Variants in DOCK9 observed in about 807,000 individuals in gnomAD.
DOCK9 encodes dedicator of cytokinesis protein 9.
DOCK9 carries 89 observed loss-of-function variants against 263.3 expected under a neutral mutation model. That is an observed-to-expected ratio of 0.34 (90% CI 0.28 to 0.40). The LOEUF is 0.40. Among genes scored for constraint, DOCK9 ranks in the 10% least tolerant of loss-of-function variants. The probability of loss-of-function intolerance (pLI) is 1.00; values close to 1 mark genes in which losing one functional copy is unlikely to be tolerated. For synonymous variants in DOCK9, 976 were observed against 973.1 expected (o/e 1.00, Z -0.06); for missense variants, 2,140 against 2,603.4 (o/e 0.82, Z 3.87).
chr13:99,062,904 G>A (rs1334381184), intron 1 of DOCK9, among the ~76,000 whole-genome samples: 6 of 152,182 alleles, frequency 3.9e-5, no homozygotes, highest in African/African-American at 1.2e-4. Context: ...TTATGGAGCT[G>A]CCAGCCCAGG....
intron 7 of DOCK9, among the ~76,000 whole-genome samples, chr13:98,920,475 T>A (rs112452642): frequency 2.6e-5 from 4 of 152,238 alleles, no homozygotes; most frequent in African/African-American, 4.8e-5. Context: ...TTAAATAACA[T>A]CTCCAAGGTT....
chr13:98,889,704 A>G (rs554374944), intron 15 of DOCK9, among the ~76,000 whole-genome samples: 1 of 152,162 alleles, frequency 6.6e-6, no homozygotes, highest in South Asian at 2.1e-4. Flanking sequence ...ATGTTCCTCT[A>G]TCTTTCAACC....
intron 1 of DOCK9, among the ~76,000 whole-genome samples, chr13:99,012,133 A>T (rs765325848): frequency 9.2e-5 from 14 of 152,182 alleles, no homozygotes; most frequent in Non-Finnish European, 1.8e-4. Context: ...AGCACTCTTA[A>T]CCACCATACT....
rs147455123 is a variant in DOCK9 at position 98,992,028 on chromosome 13, C to T, written c.130-36477G>A. The stretch of plus-strand genomic sequence containing the variant: ...CCTACATCATCACATGGAAGACCAC[C>T]GCATGTACACCTGGTGAGATCGTGT... On this transcript the variant is annotated intron_variant, in intron 1 of 32. Coordinates refer to the DOCK9 transcript ENST00000427887. Among the ~76,000 whole-genome samples the T allele has an allele frequency of 4.0e-4, 61 of 151,902 alleles. No homozygotes were observed. The East Asian group carries it at 8.9e-3, about 22-fold the overall frequency.
chr13:98,911,591 C>A (rs150926965), intron 9 of DOCK9, among the ~76,000 whole-genome samples: 1 of 152,104 alleles, frequency 6.6e-6, no homozygotes, highest in East Asian at 1.9e-4. Context: ...TTATGTAATT[C>A]ACTTTAAAAA....
intron 1 of DOCK9, among the ~76,000 whole-genome samples, chr13:99,080,894 A>T (rs1467105487): frequency 1.3e-5 from 2 of 152,242 alleles, no homozygotes; most frequent in East Asian, 3.8e-4. Context: ...CTTAGCACCC[A>T]GCAGGGAGCC....
chr13:98,914,057 C>T (rs1489075297), intron 9 of DOCK9, among the ~76,000 whole-genome samples: 1 of 152,110 alleles, frequency 6.6e-6, no homozygotes, highest in Non-Finnish European at 1.5e-5. Flanking sequence ...GTTATTTCTT[C>T]AGTACCTGTG....
At chr13:98,932,734 T>C (rs1316668147) in intron 2 of DOCK9, among the ~76,000 whole-genome samples, 2 of 152,214 alleles carry the variant, frequency 1.3e-5, no homozygotes, top group African/African-American at 4.8e-5. Context: ...GTGTCTATCT[T>C]TGAAAGTAAT....
At chr13:98,885,222 T>G (rs2045495610) in intron 20 of DOCK9, 130 bp from the exon 21 acceptor site, 7 of 1,262,108 alleles carry the variant, frequency 5.5e-6, no homozygotes, top group Middle Eastern at 2.5e-4. Context: ...AAATTTAAAA[T>G]GCCCTAAATG....
intron 13 of DOCK9, 37 bp downstream of exon 13, chr13:98,901,741 G>T: frequency 1.2e-6 from 2 of 1,601,856 alleles, no homozygotes; most frequent in Non-Finnish European, 1.7e-6. Context: ...TTTTCAGATT[G>T]CTTTTTACCA....
At chr13:98,889,395 A>G (rs2046285214) in intron 15 of DOCK9, among the ~76,000 whole-genome samples, 1 of 152,232 alleles carries the variant, frequency 6.6e-6, no homozygotes, top group Non-Finnish European at 1.5e-5. Flanking sequence ...TATTGAAATA[A>G]AAAATAAAAT....
At chr13:99,042,264 G>GA (rs1888529279) in intron 1 of DOCK9, among the ~76,000 whole-genome samples, 1 of 152,230 alleles carries the variant, frequency 6.6e-6, no homozygotes, top group Admixed American at 6.5e-5. Context: ...ACTGCCTTGA[G>GA]ATCAGGCAGC....
chr13:98,829,364 C>G lies in DOCK9; in HGVS notation c.4908G>C (p.Arg1636Ser). The part of the protein sequence containing the change: ...AKSYASTPEL[R>S]KTWLDSMARI... ...TGGCCATGCTGTCGAGCCACGTCTTCCTGAGCTCGGGCGTGCTGGCATAGG... is the reference window on the plus strand; with the variant it reads ...TGGCCATGCTGTCGAGCCACGTCTTGCTGAGCTCGGGCGTGCTGGCATAGG... The change falls in exon 43 of 53, where the codon AGG (arginine) becomes AGC (serine). Residue 1636 changes from arginine to serine, a missense_variant. Arg to Ser is a moderately radical substitution (Grantham distance 110). Around this residue, in one of 2 missense-constraint regions of DOCK9, gnomAD observed 619 missense variants for 861.8 expected, o/e 0.72. Coordinates refer to ENST00000682017, the MANE Select transcript of DOCK9 (RefSeq NM_001366683.2). This position sits in a 1 kb window ranked among gnomAD's most constrained non-coding sequence, Gnocchi z 4.1. 5.0e-6 allele frequency: 8 copies of G among 1,613,714 alleles called. No homozygotes were observed. Among genetic ancestry groups the G allele is most frequent in the Non-Finnish European group, 6.8e-6 (8 of 1,179,802 alleles).
intron 27 of DOCK9, among the ~76,000 whole-genome samples, chr13:98,872,394 T>A (rs1396340638): frequency 7.4e-6 from 1 of 134,694 alleles, no homozygotes; most frequent in African/African-American, 2.7e-5. Context: ...CAACTTGGTT[T>A]TGTTTTTGTT....
At chr13:98,930,481 AG>A (rs1457771717) in intron 2 of DOCK9, among the ~76,000 whole-genome samples, 1 of 152,168 alleles carries the variant, frequency 6.6e-6, no homozygotes, top group East Asian at 1.9e-4. Flanking sequence ...TTTCTTGATC[AG>A]GGGCCCACAG....
chr13:98,965,191 C>A (rs1475683028), intron 1 of DOCK9, among the ~76,000 whole-genome samples: 1 of 152,054 alleles, frequency 6.6e-6, no homozygotes, highest in Non-Finnish European at 1.5e-5. Context: ...TGGAGAGACA[C>A]ACAGGAAGGT....
chr13:98,987,936 C>G (rs1425473916), intron 1 of DOCK9, among the ~76,000 whole-genome samples: 2 of 148,954 alleles, frequency 1.3e-5, no homozygotes, highest in East Asian at 3.9e-4. Flanking sequence ...AAGATAACAG[C>G]ATATAAAATT....
At chr13:99,008,831 C>A (rs1346719222) in intron 1 of DOCK9, among the ~76,000 whole-genome samples, 1 of 152,134 alleles carries the variant, frequency 6.6e-6, no homozygotes, top group Non-Finnish European at 1.5e-5. Context: ...AGATTAGGGC[C>A]CCGCCTTTAT....
chr13:99,010,835 GT>G (rs1369054261), intron 1 of DOCK9, among the ~76,000 whole-genome samples: 1 of 152,196 alleles, frequency 6.6e-6, no homozygotes, highest in Non-Finnish European at 1.5e-5. Flanking sequence ...ACATCTGTTT[GT>G]TACTTCAGAG....
Sources: gnomAD v4.1 joint callset for allele counts (sites outside exome capture counted in the v4.1 genomes callset) on GRCh38, gnomAD v4.1.1 for gene constraint, gnomAD v4.1.1 regional missense constraint, Gnocchi (gnomAD v3.1) non-coding constraint, MANE v1.5 for transcripts, NCBI Gene and HGNC (gene_info 2026-07-23, HGNC 2026-07-21) for gene names.